AMDHD1: variants seen among roughly 807,000 people sequenced by gnomAD.
AMDHD1 encodes probable imidazolonepropionase.
A neutral mutation model predicts 44.1 loss-of-function variants in AMDHD1; 45 were observed. The ratio of observed to expected loss-of-function variants is 1.02; its 90% CI spans 0.80 to 1.31. AMDHD1 has a LOEUF of 1.31. AMDHD1 is among the 50% of genes most tolerant of loss of function. The probability of loss-of-function intolerance (pLI) is 0.00; values close to 1 mark genes in which losing one functional copy is unlikely to be tolerated. For missense variants in AMDHD1, 586 were observed against 552.1 expected, an observed-to-expected ratio of 1.06 and a Z score of -0.61; for synonymous variants, 206 against 205.0, an observed-to-expected ratio of 1.00 and a Z score of -0.04.
intron 2 of AMDHD1, among the ~76,000 whole-genome samples, chr12:95,953,940 GAAT>G (rs1358969034): frequency 6.6e-6 from 1 of 152,110 alleles, no homozygotes; most frequent in Non-Finnish European, 1.5e-5. Flanking sequence ...TGAAAAAGAG[GAAT>G]ATAGCAGAAA....
In AMDHD1 at chr12:95,955,023, G is replaced by A. The variant is rs747742260; in HGVS notation, c.309+48G>A. On this transcript the variant is annotated intron_variant, in intron 3 of 8. Coordinates refer to ENST00000266736, the MANE Select transcript of AMDHD1 (RefSeq NM_152435.3). Reference sequence around the variant, plus strand: ...AATCAAAATAAAGCACAAATATGAAGTCTTTTGCTGAAGAGTTAGTAGGCT... The same window carrying A: ...AATCAAAATAAAGCACAAATATGAAATCTTTTGCTGAAGAGTTAGTAGGCT... 1.5e-5 allele frequency: 24 copies of A among 1,579,892 alleles called. No individual in the cohort carries two copies. In the East Asian group the frequency reaches 4.5e-4, roughly 29 times the overall value.
intron 2 of AMDHD1, among the ~76,000 whole-genome samples, chr12:95,953,532 C>T (rs1220354322): frequency 2.0e-5 from 3 of 151,940 alleles, no homozygotes; most frequent in Non-Finnish European, 4.4e-5. Flanking sequence ...AATTTTTATA[C>T]TTTTAAATAT....
rs879643122 is a variant in AMDHD1 at position 95,955,516 on chromosome 12, G to GA, written c.309+551dup. On this transcript the variant is annotated intron_variant, in intron 3 of 8. Coordinates refer to ENST00000266736, the MANE Select transcript of AMDHD1 (RefSeq NM_152435.3). Reference sequence around the variant, plus strand: ...GCTAAACTGGCTTATTTCAGGAAAAGAAAAAAAAAATTCTTTTCTTCAGCT... The same window carrying GA: ...GCTAAACTGGCTTATTTCAGGAAAAGAAAAAAAAAAATTCTTTTCTTCAGCT... Among the ~76,000 whole-genome samples, 214 of 149,482 alleles carry GA rather than the reference G, an allele frequency of 1.4e-3. 1 individual carries two copies. Among genetic ancestry groups the GA allele is most frequent in the Non-Finnish European group, 1.8e-3 (119 of 67,140 alleles).
rs1479073247 is a variant in AMDHD1 at position 95,968,570 on chromosome 12, A to G, written c.*727A>G. On this transcript the variant is annotated 3_prime_UTR_variant, in exon 9 of 9. Transcript: ENST00000266736. ...GGTGAAACACATTTTACAGCTCTCA[A>G]TAAATGTTTGCTGTCGCTCTTATTG... The G allele has an allele frequency of 6.6e-6, 1 of 152,198 alleles. No homozygotes were observed. The highest frequency in any genetic ancestry group is 1.5e-5 in the Non-Finnish European group (1 of 68,026). The allele number at this position is 152,198 out of a possible 1,614,324, so 9.4% of individuals were successfully genotyped here. A position where few individuals can be genotyped will look rare whatever the true frequency, so the allele number is the denominator to read the frequency against.
At position 95,956,908 on chromosome 12, in the gene AMDHD1, G is replaced by A; in HGVS notation, c.533G>A (p.Arg178Gln). ...CTGCGCGTGATTGAGCGCGCCCGGC[G>A]GGAGCTGGACATCGGCATCTCGGCT... ...KMLRVIERAR[R>Q]ELDIGISATY... Residue 178 changes from arginine to glutamine, a missense_variant, in exon 4 of 9, where the codon CGG (arginine) becomes CAG (glutamine). Physicochemically the swap from Arg to Gln is conservative, Grantham distance 43. Coordinates refer to ENST00000266736, the MANE Select transcript of AMDHD1 (RefSeq NM_152435.3). 1 of 1,613,186 alleles carries A rather than the reference G, an allele frequency of 6.2e-7. No individual in the cohort carries two copies.
In AMDHD1 at chr12:95,967,813, A is replaced by G. The variant is rs1228895247; in HGVS notation, c.1251A>G (p.Ile417Met). Residue 417 changes from isoleucine to methionine, a missense_variant, in exon 9 of 9, where the codon ATA (isoleucine) becomes ATG (methionine). Ile to Met is a conservative substitution (Grantham distance 10). Transcript: ENST00000266736. ...GGHHELIEYVIAKGKLIYKT is the reference protein window; with the variant it reads ...GGHHELIEYVMAKGKLIYKT Reference sequence around the variant, plus strand: ...ATCATGAATTAATTGAATATGTTATAGCTAAAGGAAAACTCATCTATAAAA... The same window carrying G: ...ATCATGAATTAATTGAATATGTTATGGCTAAAGGAAAACTCATCTATAAAA... 6.3e-7 allele frequency: 1 copy of G among 1,598,272 alleles called. No homozygotes were observed. The highest frequency in any genetic ancestry group is 8.5e-7 in the Non-Finnish European group (1 of 1,174,596).
chr12:95,949,160 G>GAAAAAAAAAAAAAAAAAA (rs1358481972), intron 1 of AMDHD1, among the ~76,000 whole-genome samples: 1 of 101,886 alleles, frequency 9.8e-6, no homozygotes, highest in Non-Finnish European at 2.2e-5. Context: ...AAAAAAAAAA[G>GAAAAAAAAAAAAAAAAAA]AAAAAAAAAA....
rs759403725 is a variant in AMDHD1, at chr12:95,956,787, T to C, written c.412T>C (p.Leu138=). ...CACAGAGGAGGAGCTGTTCCGCTCC[T>C]TGCAGCAACGGCTCCAGTGCATGAT... ...QATEEELFRS[L]QQRLQCMMRA... is the part of the protein sequence containing the mutation. Residue 138 remains leucine, a synonymous_variant, in exon 4 of 9, where the codon TTG becomes CTG. Coordinates refer to ENST00000266736, the MANE Select transcript of AMDHD1 (RefSeq NM_152435.3). 24 of 1,614,110 alleles carry C rather than the reference T, an allele frequency of 1.5e-5. No individual in the cohort carries two copies. The highest frequency in any genetic ancestry group is 1.1e-4 in the South Asian group (10 of 91,096).
chr12:95,966,258 G>T, intron 7 of AMDHD1, 90 bp from the exon 8 acceptor site: 1 of 1,446,898 alleles, frequency 6.9e-7, no homozygotes, highest in Non-Finnish European at 9.5e-7. Context: ...ACCTTTAACT[G>T]CCTCTATTTG....
intron 7 of AMDHD1, 38 bp downstream of exon 7, chr12:95,965,817 T>G: frequency 1.5e-6 from 2 of 1,292,298 alleles, no homozygotes; most frequent in South Asian, 2.6e-5. Context: ...GAGCAGAGTA[T>G]CTACCAAGCA....
Position 95,962,538 on chromosome 12 carries a change from C to A in AMDHD1, c.938+59C>A, listed in dbSNP as rs116125628. On this transcript the variant is annotated intron_variant, in intron 6 of 8. Transcript: ENST00000266736. ...CAAGTACAAGCTGTGAAGACACAGA[C>A]GTCCAAAGTGCCCAGACATTATTTC... is the stretch of plus-strand genomic sequence containing the variant. The A allele has an allele frequency of 1.0e-3, 1,576 of 1,524,072 alleles. 11 individuals carry two copies. The African/African-American group carries it at 0.02, about 19-fold the overall frequency. 94.4% of individuals were successfully genotyped at this position (1,524,072 alleles called of 1,614,324 possible).
intron 6 of AMDHD1, 85 bp downstream of exon 6, chr12:95,962,564 A>T (rs2080588403): frequency 2.1e-6 from 3 of 1,409,354 alleles, no homozygotes; most frequent in Non-Finnish European, 2.8e-6. Context: ...ACATTATTTC[A>T]TTGCCCTTAC....
intron 3 of AMDHD1, 123 bp downstream of exon 3, chr12:95,955,098 T>C: frequency 1.0e-6 from 1 of 960,656 alleles, no homozygotes; most frequent in Non-Finnish European, 1.6e-6. Flanking sequence ...ATATTTTTAC[T>C]TGCTTGGGTA....
At chr12:95,955,065 T>C in intron 3 of AMDHD1, 90 bp downstream of exon 3, 1 of 1,234,262 alleles carries the variant, frequency 8.1e-7, no homozygotes, top group Non-Finnish European at 1.2e-6. Context: ...CTTTGCAACA[T>C]ATGTCAACAT....
At position 95,943,447 on chromosome 12, in the gene AMDHD1, C is replaced by G. The variant is rs1436121; in HGVS notation, c.49C>G (p.Leu17Val). The change falls in exon 1 of 9, where the codon CTG (leucine) becomes GTG (valine). Residue 17 changes from leucine to valine, a missense_variant. By Grantham distance (32) the Leu-to-Val change is conservative. Coordinates refer to ENST00000266736, the MANE Select transcript of AMDHD1 (RefSeq NM_152435.3). Reference sequence around the variant, plus strand: ...GCTGGAGAACGCGCAGCAAGTGGTGCTGGTGTGCGCCCGCGGCGAGCGCTT... The same window carrying G: ...GCTGGAGAACGCGCAGCAAGTGGTGGTGGTGTGCGCCCGCGGCGAGCGCTT... ...LLLENAQQVV[L>V]VCARGERFLA... 1 of 1,507,028 alleles carries G rather than the reference C, an allele frequency of 6.6e-7. No homozygotes were observed. The highest frequency in any genetic ancestry group is 8.8e-7 in the Non-Finnish European group (1 of 1,133,444). 93.4% of individuals were successfully genotyped at this position (1,507,028 alleles called of 1,614,324 possible).
At position 95,960,142 on chromosome 12, in the gene AMDHD1, A is replaced by G. The variant is rs574119078; in HGVS notation, c.588-256A>G. 3.3e-5 allele frequency among the ~76,000 whole-genome samples: 5 copies of G among 152,270 alleles called. No homozygotes were observed. The East Asian group carries it at 9.7e-4, about 29-fold the overall frequency. ...TGGCATCCCCAAAGGTAACACAGGT[A>G]TGCCAGAATGGATAAACCATTTGAG... On this transcript the variant is annotated intron_variant, in intron 4 of 8. Transcript: ENST00000266736.
At chr12:95,959,563 C>A (rs1031959843) in intron 4 of AMDHD1, among the ~76,000 whole-genome samples, 1 of 151,836 alleles carries the variant, frequency 6.6e-6, no homozygotes, top group African/African-American at 2.4e-5. Context: ...CATGAGGTAC[C>A]ATGCCCAACT....
At position 95,943,503 on chromosome 12, in the gene AMDHD1, G is replaced by C; in HGVS notation, c.105G>C (p.Ala35=). The part of the protein sequence containing the change: ...FLARDALRSL[A]VLEGASLVVG... The stretch of plus-strand genomic sequence containing the variant: ...CGCGGGATGCGCTGCGCAGCCTGGC[G>C]GTGCTGGAAGGCGCCAGCCTGGTGG... Residue 35 remains alanine, a synonymous_variant, in exon 1 of 9, where the codon GCG becomes GCC. Coordinates refer to ENST00000266736, the MANE Select transcript of AMDHD1 (RefSeq NM_152435.3). 1.3e-6 allele frequency: 2 copies of C among 1,493,062 alleles called. No homozygotes were observed. Among genetic ancestry groups the C allele is most frequent in the South Asian group, 2.5e-5 (2 of 79,926 alleles). 92.5% of individuals were successfully genotyped at this position (1,493,062 alleles called of 1,614,324 possible).
At chr12:95,967,405 G>C (rs545315839) in intron 8 of AMDHD1, among the ~76,000 whole-genome samples, 1 of 152,092 alleles carries the variant, frequency 6.6e-6, no homozygotes, top group Non-Finnish European at 1.5e-5. Context: ...TGACTCTTAC[G>C]AGCCCATTGC....
Sources: allele counts gnomAD v4.1 joint callset (sites outside exome capture counted in the v4.1 genomes callset), GRCh38; gene constraint gnomAD v4.1.1; transcripts MANE v1.5; gene names NCBI Gene and HGNC (gene_info 2026-07-23, HGNC 2026-07-21).